The following NEGR1 variants were observed in gnomAD, a reference collection of about 807,000 sequenced individuals.
NEGR1 encodes IgLON family member 4.
In NEGR1, 10 loss-of-function variants were observed where a neutral mutation model predicts 40.9. The ratio of observed to expected loss-of-function variants is 0.24; its 90% CI spans 0.15 to 0.42. The LOEUF (loss-of-function observed/expected upper bound fraction) is 0.42, where lower values mean the gene tolerates loss of function less well. Among genes scored for constraint, NEGR1 ranks in the 10% least tolerant of loss-of-function variants. NEGR1 has a pLI of 1.00. For missense variants in NEGR1, 352 were observed against 438.9 expected, an observed-to-expected ratio of 0.80 and a Z score of 1.77; for synonymous variants, 185 against 166.8, an observed-to-expected ratio of 1.11 and a Z score of -0.84.
chr1:71,826,803 T>G (rs534026995), intron 2 of NEGR1, among the ~76,000 whole-genome samples: 2 of 152,080 alleles, frequency 1.3e-5, no homozygotes, highest in South Asian at 4.1e-4. Flanking sequence ...TAATTACATT[T>G]CTAAAATGTT....
At chr1:71,660,711 A>G (rs1330663143) in intron 4 of NEGR1, among the ~76,000 whole-genome samples, 1 of 152,062 alleles carries the variant, frequency 6.6e-6, no homozygotes, top group Non-Finnish European at 1.5e-5. Context: ...TCTTATTATT[A>G]TTATTAAACT....
intron 3 of NEGR1, among the ~76,000 whole-genome samples, chr1:71,775,348 T>G (rs970237909): frequency 4.4e-4 from 6 of 13,560 alleles, no homozygotes; most frequent in Non-Finnish European, 3.9e-3. Context: ...TTCTTTAACT[T>G]TTTTTTTTTT....
intron 2 of NEGR1, among the ~76,000 whole-genome samples, chr1:71,866,574 TATTAA>T (rs1660120605): frequency 6.6e-6 from 1 of 152,238 alleles, no homozygotes; most frequent in Non-Finnish European, 1.5e-5. Context: ...ATGACTGTGA[TATTAA>T]ATTGTTTCAG....
intron 1 of NEGR1, among the ~76,000 whole-genome samples, chr1:72,097,067 A>G (rs1648730513): frequency 6.6e-6 from 1 of 152,168 alleles, no homozygotes. Context: ...AAAATTTTAT[A>G]AAGTCTTACA....
At chr1:72,206,074 CAA>C (rs1653387827) in intron 1 of NEGR1, among the ~76,000 whole-genome samples, 2 of 150,986 alleles carry the variant, frequency 1.3e-5, no homozygotes, top group South Asian at 4.2e-4. Context: ...GTGGAGAAAG[CAA>C]AGAGATATAC....
chr1:71,565,615 C>A (rs964720319), intron 6 of NEGR1, among the ~76,000 whole-genome samples: 1 of 152,128 alleles, frequency 6.6e-6, no homozygotes, highest in Non-Finnish European at 1.5e-5. Flanking sequence ...GCTGACTCTT[C>A]AGTTTCTTCA....
intron 1 of NEGR1, among the ~76,000 whole-genome samples, chr1:72,006,239 A>G (rs1038798849): frequency 6.6e-6 from 1 of 152,190 alleles, no homozygotes. Flanking sequence ...ACATTAGCCT[A>G]TGAAAGTATT....
intron 4 of NEGR1, among the ~76,000 whole-genome samples, chr1:71,687,774 T>G (rs1160049241): frequency 1.3e-5 from 2 of 152,136 alleles, no homozygotes; most frequent in African/African-American, 4.8e-5. Context: ...GTCTCCCTAG[T>G]TTACACAGTT....
chr1:72,254,519 G>A (rs1345556629), intron 1 of NEGR1, among the ~76,000 whole-genome samples: 1 of 151,882 alleles, frequency 6.6e-6, no homozygotes, highest in African/African-American at 2.4e-5. Context: ...TGACTAACAC[G>A]ATGAAACCCC....
At chr1:72,171,987 C>T (rs1651979915) in intron 1 of NEGR1, among the ~76,000 whole-genome samples, 2 of 152,010 alleles carry the variant, frequency 1.3e-5, no homozygotes, top group Non-Finnish European at 2.9e-5. Flanking sequence ...CAACTGGAGA[C>T]CTTCCTTGTC....
intron 4 of NEGR1, among the ~76,000 whole-genome samples, chr1:71,679,544 C>T (rs1652761651): frequency 1.3e-5 from 2 of 152,074 alleles, no homozygotes; most frequent in Non-Finnish European, 2.9e-5. Context: ...CTGCTAAACT[C>T]TTATTAATTG....
chr1:71,938,560 A>G (rs941425562), intron 1 of NEGR1, among the ~76,000 whole-genome samples: 2 of 151,866 alleles, frequency 1.3e-5, no homozygotes, highest in African/African-American at 4.8e-5. Flanking sequence ...TGTATGCTGT[A>G]TTAAGAAATT....
At chr1:71,612,864 A>G (rs1472203962) in intron 4 of NEGR1, among the ~76,000 whole-genome samples, 5 of 152,154 alleles carry the variant, frequency 3.3e-5, no homozygotes. Flanking sequence ...GGTGTGGCCG[A>G]CACAAAGAGA....
At chr1:71,545,785 T>C (rs1350392569) in intron 6 of NEGR1, among the ~76,000 whole-genome samples, 1 of 151,652 alleles carries the variant, frequency 6.6e-6, no homozygotes, top group Non-Finnish European at 1.5e-5. Flanking sequence ...AAGTAGCCCA[T>C]TGAAGCAGAA....
intron 1 of NEGR1, among the ~76,000 whole-genome samples, chr1:72,256,885 T>A (rs1244125231): frequency 6.6e-6 from 1 of 152,194 alleles, no homozygotes; most frequent in Non-Finnish European, 1.5e-5. Context: ...GATCTGTGGT[T>A]TAACTTGGAA....
Position 71,626,827 on chromosome 1 carries a change from G to A in NEGR1, c.668-15681C>T, listed in dbSNP as rs544009627. Among the ~76,000 whole-genome samples, 11 of 152,194 alleles carry A rather than the reference G, an allele frequency of 7.2e-5. No homozygotes were observed. In the East Asian group the frequency reaches 2.1e-3, roughly 29 times the overall value. On this transcript the variant is annotated intron_variant, in intron 4 of 6. Transcript: ENST00000357731. ...AAAAAACAAACAACCCCATCAAAAA[G>A]TGGGTGAAGGATATGAACAGACACT...
intron 3 of NEGR1, among the ~76,000 whole-genome samples, chr1:71,700,087 G>A (rs978972048): frequency 4.6e-5 from 7 of 151,970 alleles, no homozygotes; most frequent in Non-Finnish European, 8.8e-5. Flanking sequence ...TTGACATTTC[G>A]TTAGAGAAGG....
chr1:71,642,442 T>TG (rs1402903179), intron 4 of NEGR1, among the ~76,000 whole-genome samples: 4 of 150,388 alleles, frequency 2.7e-5, no homozygotes, highest in East Asian at 4.0e-4. Flanking sequence ...GAGAAAAAAT[T>TG]GGGGGGGAGA....
intron 1 of NEGR1, among the ~76,000 whole-genome samples, chr1:72,018,567 C>T (rs1646731366): frequency 6.6e-6 from 1 of 151,988 alleles, no homozygotes; most frequent in South Asian, 2.1e-4. Flanking sequence ...GCCGGGACAC[C>T]AGGGTAAAAA....
Sources: gnomAD v4.1 joint callset for allele counts (sites outside exome capture counted in the v4.1 genomes callset) on GRCh38, gnomAD v4.1.1 for gene constraint, MANE v1.5 for transcripts, NCBI Gene and HGNC (gene_info 2026-07-23, HGNC 2026-07-21) for gene names.